POLRMT: variants seen among roughly 807,000 people sequenced by gnomAD.
POLRMT encodes the protein RNA polymerase mitochondrial, also known as DNA-directed RNA polymerase, mitochondrial.
POLRMT carries 114 observed loss-of-function variants against 132.2 expected under a neutral mutation model. The observed-to-expected ratio is 0.86, with a 90% CI of 0.74 to 1.01. The LOEUF (loss-of-function observed/expected upper bound fraction) is 1.01, where lower values mean the gene tolerates loss of function less well. Among genes scored for constraint, POLRMT ranks in the 50% least tolerant of loss-of-function variants. The pLI, the probability that POLRMT is intolerant of heterozygous loss-of-function variation, is 0.00. For missense variants in POLRMT, 2,003 were observed against 1,729.1 expected (o/e 1.16, Z -2.81); for synonymous variants, 1,020 against 773.4 (o/e 1.32, Z -5.29).
chr19:622,204 G>A lies in POLRMT; in HGVS notation c.1796C>T (p.Ser599Phe), dbSNP rs139080005. Residue 599 changes from serine to phenylalanine, a missense_variant, in exon 9 of 21, where the codon TCC (serine) becomes TTC (phenylalanine). By Grantham distance (155) the Ser-to-Phe change is radical. Transcript: ENST00000588649. ...MPCSLDKPHR[S>F]SRLVPVLYHV... ...GTAGAGCACGGGGACAAGCCGAGAG[G>A]AACGATGCGGCTTGTCCAGGCTGCA... The A allele has an allele frequency of 2.7e-5, 42 of 1,583,896 alleles. No individual in the cohort carries two copies. Among genetic ancestry groups the A allele is most frequent in the East Asian group, 9.3e-5 (4 of 43,146 alleles).
intron 3 of POLRMT, among the ~76,000 whole-genome samples, chr19:627,178 GTC>G (rs1985086117): frequency 7.2e-6 from 1 of 139,192 alleles, no homozygotes; most frequent in African/African-American, 2.7e-5. Flanking sequence ...TTGAGACGGA[GTC>G]TCGCTCTGTC....
At chr19:632,045 T>G (rs930631152) in intron 2 of POLRMT, among the ~76,000 whole-genome samples, 1 of 151,562 alleles carries the variant, frequency 6.6e-6, no homozygotes, top group East Asian at 1.9e-4. Flanking sequence ...AGTGCTGGGA[T>G]TACAGGCGTG....
intron 2 of POLRMT, 127 bp from the exon 3 acceptor site, chr19:630,295 C>A: frequency 8.8e-7 from 1 of 1,136,846 alleles, no homozygotes; most frequent in East Asian, 2.5e-5. Context: ...GGCGTGAATT[C>A]CTCATACTTG....
At chr19:631,268 C>T (rs765343100) in intron 2 of POLRMT, among the ~76,000 whole-genome samples, 4 of 147,382 alleles carry the variant, frequency 2.7e-5, no homozygotes, top group Non-Finnish European at 4.5e-5. Context: ...TTCCTGGCTG[C>T]TGTGAGCCGT....
In POLRMT at chr19:625,242, C is replaced by A. The variant is rs1337921611; in HGVS notation, c.835G>T (p.Glu279Ter). The A allele has an allele frequency of 6.2e-7, 1 of 1,613,850 alleles. No individual in the cohort carries two copies. Among genetic ancestry groups the A allele is most frequent in the Non-Finnish European group, 8.5e-7 (1 of 1,179,944 alleles). Residue 279 changes from glutamate to a stop codon, truncating the protein, a stop_gained, in exon 4 of 21, where the codon GAG becomes TAG. Coordinates refer to ENST00000588649, the MANE Select transcript of POLRMT (RefSeq NM_005035.4). LOFTEE classifies it high-confidence loss of function. The stretch of plus-strand genomic sequence containing the variant: ...ACCATGAATAACACATATACCAGCT[C>A]CTTGAAGGCACCCTGGGAGACCAAG... ...LGWARQGAFK[E>*]LVYVLFMVKD... is the part of the protein sequence containing the mutation.
At position 617,456 on chromosome 19, in the gene POLRMT, G is replaced by A. The variant is rs969421598; in HGVS notation, c.3606C>T (p.Ser1202=). 16 of 1,611,804 alleles carry A rather than the reference G, an allele frequency of 9.9e-6. No homozygotes were observed. In the African/African-American group the frequency reaches 2.1e-4, roughly 22 times the overall value. Residue 1202 remains serine, a synonymous_variant, in exon 20 of 21, where the codon AGC becomes AGT. Coordinates refer to ENST00000588649, the MANE Select transcript of POLRMT (RefSeq NM_005035.4). ...CSEPQKILEA[S]QLKETLQAVP... is the part of the protein sequence containing the mutation. Reference sequence around the variant, plus strand: ...CCGCCTGCAGTGTCTCCTTCAGCTGGCTGGCCTCCAAGATCTTCTGGGGCC... The same window carrying A: ...CCGCCTGCAGTGTCTCCTTCAGCTGACTGGCCTCCAAGATCTTCTGGGGCC...
intron 5 of POLRMT, among the ~76,000 whole-genome samples, 172 bp downstream of exon 5, chr19:624,547 C>T (rs996616581): frequency 7.2e-5 from 11 of 152,182 alleles, no homozygotes; most frequent in African/African-American, 2.7e-4. Flanking sequence ...AGGGCCAAGA[C>T]CCTCCCAGCT....
At chr19:628,364 G>A (rs1985170562) in intron 3 of POLRMT, among the ~76,000 whole-genome samples, 1 of 152,208 alleles carries the variant, frequency 6.6e-6, no homozygotes, top group Non-Finnish European at 1.5e-5. Flanking sequence ...TCCTCCCGGA[G>A]TCTGGCGCCC....
chr19:624,655 G>A (rs1984886392), intron 5 of POLRMT, 64 bp downstream of exon 5: 2 of 1,548,752 alleles, frequency 1.3e-6, no homozygotes, highest in Non-Finnish European at 8.8e-7. Flanking sequence ...CTGAGCTGAG[G>A]CTCCAGGAAC....
At chr19:626,841 C>G (rs1985051375) in intron 3 of POLRMT, among the ~76,000 whole-genome samples, 1 of 150,862 alleles carries the variant, frequency 6.6e-6, no homozygotes. Flanking sequence ...GCCTGGGAGA[C>G]AGAAACTTTG....
chr19:630,536 T>G (rs12609122), intron 2 of POLRMT, among the ~76,000 whole-genome samples: 14,150 of 152,198 alleles, frequency 0.093, 897 homozygotes, highest in East Asian at 0.26. Context: ...TCCTCTGGGC[T>G]TGCCTCCAGA....
rs752537530 is a variant in POLRMT, at chr19:624,764, C to T, written c.1095G>A (p.Pro365=). ...KPTFSLPPQL[P]PPVNTSKLLR... ...GCAGCTTGGAGGTGTTGACCGGGGG[C>T]GGCAGCTGCGGCGGGAGGCTGAAGG... Residue 365 remains proline (P), a synonymous_variant, in exon 5 of 21, where the codon CCG becomes CCA. Coordinates refer to ENST00000588649, the MANE Select transcript of POLRMT (RefSeq NM_005035.4). The T allele has an allele frequency of 3.8e-5, 62 of 1,613,840 alleles. 2 individuals carry two copies. The South Asian group carries it at 5.4e-4, about 14-fold the overall frequency.
chr19:618,256 G>A lies in POLRMT; in HGVS notation c.3422+232C>T, dbSNP rs575763885. 5 of 562,712 alleles carry A rather than the reference G, an allele frequency of 8.9e-6. No homozygotes were observed. The South Asian group carries it at 9.4e-5, about 11-fold the overall frequency. 34.9% of individuals were successfully genotyped at this position (562,712 alleles called of 1,614,324 possible). On this transcript the variant is annotated intron_variant, in intron 17 of 20. Coordinates refer to ENST00000588649, the MANE Select transcript of POLRMT (RefSeq NM_005035.4). Reference sequence around the variant, plus strand: ...GGTGCCAAGAAATGCCCAGCAGGAAGGGGCAGCGCCCATGCTCGGCTCTCC... The same window carrying A: ...GGTGCCAAGAAATGCCCAGCAGGAAAGGGCAGCGCCCATGCTCGGCTCTCC...
intron 13 of POLRMT, 112 bp from the exon 14 acceptor site, chr19:619,408 A>G (rs10853989): frequency 0.31 from 427,488 of 1,378,430 alleles, 68,359 homozygotes; most frequent in South Asian, 0.43. Context: ...GCAGGGGGGC[A>G]GGGGAATGGG....
rs143886674 is a variant in POLRMT, at chr19:630,107, C to T, written c.255G>A (p.Arg85=). 3.4e-5 allele frequency: 55 copies of T among 1,613,360 alleles called. 1 individual carries two copies. The African/African-American group carries it at 5.3e-4, about 16-fold the overall frequency. The change falls in exon 3 of 21, where the codon AGG becomes AGA. Residue 85 remains arginine, a synonymous_variant. Transcript: ENST00000588649. ...AESVSEVVVN[R]VDVARLPECG... ...ATTCTGGGAGCCGCGCCACATCCAC[C>T]CTGTTCACCACCACCTCCGACACGC... is the stretch of plus-strand genomic sequence containing the variant.
intron 2 of POLRMT, among the ~76,000 whole-genome samples, 190 bp downstream of exon 2, chr19:632,644 G>A (rs1388585506): frequency 6.6e-6 from 1 of 152,186 alleles, no homozygotes; most frequent in East Asian, 1.9e-4. Flanking sequence ...CTCCAGGAAG[G>A]AGCCTGCTCA....
In POLRMT at chr19:618,717, C is replaced by T. The variant is rs1407135381; in HGVS notation, c.3311G>A (p.Gly1104Glu). The stretch of plus-strand genomic sequence containing the variant: ...GCCCCCCACTCACCGGCTGATGTCT[C>T]CGTTGTGGGTGTAGGTGATGCTCTG... ...GIQSITYTHN[G>E]DISRKPNTRK... Residue 1104 changes from glycine to glutamate, a missense_variant, in exon 16 of 21, where the codon GGA becomes GAA. Gly to Glu is a moderately conservative substitution (Grantham distance 98). Coordinates refer to ENST00000588649, the MANE Select transcript of POLRMT (RefSeq NM_005035.4). 7 of 1,607,622 alleles carry T rather than the reference C, an allele frequency of 4.4e-6. No homozygotes were observed. Among genetic ancestry groups the T allele is most frequent in the Non-Finnish European group, 5.9e-6 (7 of 1,177,452 alleles).
Position 633,529 on chromosome 19 carries a change from G to GGCGCCGCCACCGCCGCCGCC in POLRMT, c.-18_-17insGGCGGCGGCGGTGGCGGCGC. The GGCGCCGCCACCGCCGCCGCC allele has an allele frequency of 2.0e-6, 3 of 1,463,690 alleles. No homozygotes were observed. The highest frequency in any genetic ancestry group is 2.7e-6 in the Non-Finnish European group (3 of 1,109,954). The allele number at this position is 1,463,690 out of a possible 1,614,324, so 90.7% of individuals were successfully genotyped here. A position where few individuals can be genotyped will look rare whatever the true frequency, so the allele number is the denominator to read the frequency against. Reference sequence around the variant, plus strand: ...TGCCGACATTACGCACGCCGCTCCAGGCCACCCCACCGGCCCGCGCCTGCG... The same window carrying GGCGCCGCCACCGCCGCCGCC: ...TGCCGACATTACGCACGCCGCTCCAGGCGCCGCCACCGCCGCCGCCGCCACCCCACCGGCCCGCGCCTGCG... On this transcript the variant is annotated 5_prime_UTR_variant, in exon 1 of 21. Transcript: ENST00000588649.
At chr19:631,348 G>GT (rs1335971778) in intron 2 of POLRMT, among the ~76,000 whole-genome samples, 1 of 148,394 alleles carries the variant, frequency 6.7e-6, no homozygotes, top group African/African-American at 2.5e-5. Context: ...AGGGGGGGGG[G>GT]GACCCAGGTG....
Sources: allele counts gnomAD v4.1 joint callset (sites outside exome capture counted in the v4.1 genomes callset), GRCh38; gene constraint gnomAD v4.1.1; transcripts MANE v1.5; gene names NCBI Gene and HGNC (gene_info 2026-07-23, HGNC 2026-07-21).